The following CFDP1 variants were observed in gnomAD, a reference collection of about 807,000 sequenced individuals.
CFDP1 encodes chromatin remodeling protein CFDP1, also known as heterochromatin-stabilizing protein CFDP1.
A neutral mutation model predicts 40.1 loss-of-function variants in CFDP1; 31 were observed. The observed-to-expected ratio is 0.77, with a 90% CI of 0.58 to 1.04. CFDP1 has a LOEUF of 1.04. Ranked by LOEUF, CFDP1 falls within the 50% of genes least tolerant of loss-of-function variation. The pLI is 0.00. For missense variants in CFDP1, 423 were observed against 343.4 expected, an observed-to-expected ratio of 1.23 and a Z score of -1.83; for synonymous variants, 167 against 120.0, an observed-to-expected ratio of 1.39 and a Z score of -2.56.
rs2078783674 is a variant in CFDP1, at chr16:75,375,283, C to T, written c.650+19807G>A. On this transcript the variant is annotated intron_variant, in intron 5 of 6. Transcript: ENST00000283882. ...AAAAAATGAATAAGCAAGACAAACA[C>T]TAAGAAAAATTCTTAGCATTTACAT... Among the ~76,000 whole-genome samples the T allele has an allele frequency of 2.6e-5, 4 of 152,196 alleles. No individual in the cohort carries two copies. In the South Asian group the frequency reaches 8.3e-4, roughly 32 times the overall value.
chr16:75,397,033 C>G (rs2078999824), intron 4 of CFDP1, among the ~76,000 whole-genome samples: 2 of 152,018 alleles, frequency 1.3e-5, no homozygotes, highest in Admixed American at 6.5e-5. Flanking sequence ...CCTGCCTCAG[C>G]CTCCCAAGCA....
At chr16:75,305,518 G>A (rs1160891102) in intron 5 of CFDP1, 3 of 241,178 alleles carry the variant, frequency 1.2e-5, no homozygotes, top group Non-Finnish European at 1.6e-5. Flanking sequence ...CACATGCCAA[G>A]GTCCAACTTC....
intron 1 of CFDP1, among the ~76,000 whole-genome samples, chr16:75,430,306 A>T (rs1166975982): frequency 6.6e-6 from 1 of 151,864 alleles, no homozygotes; most frequent in Non-Finnish European, 1.5e-5. Flanking sequence ...AGTAGCTGGG[A>T]TTACAGGCAC....
At chr16:75,361,955 A>G (rs2078682361) in intron 5 of CFDP1, among the ~76,000 whole-genome samples, 1 of 152,190 alleles carries the variant, frequency 6.6e-6, no homozygotes, top group Admixed American at 6.5e-5. Context: ...AAAACAAGCA[A>G]AAGAGCCTGT....
intron 5 of CFDP1, among the ~76,000 whole-genome samples, chr16:75,326,810 G>A (rs931214147): frequency 6.6e-6 from 1 of 152,158 alleles, no homozygotes; most frequent in African/African-American, 2.4e-5. Context: ...TGAAGCAATG[G>A]CCTCACAATT....
At chr16:75,373,509 T>C (rs1257446693) in intron 5 of CFDP1, among the ~76,000 whole-genome samples, 1 of 152,186 alleles carries the variant, frequency 6.6e-6, no homozygotes, top group Non-Finnish European at 1.5e-5. Context: ...TGGATTCTTT[T>C]TCTCTGTGAC....
At chr16:75,421,059 G>A (rs1443731206) in intron 1 of CFDP1, among the ~76,000 whole-genome samples, 1 of 152,120 alleles carries the variant, frequency 6.6e-6, no homozygotes, top group African/African-American at 2.4e-5. Context: ...GTGGGAGGGG[G>A]TCCCTGGAGA....
At chr16:75,391,943 G>A (rs1433845974) in intron 5 of CFDP1, among the ~76,000 whole-genome samples, 1 of 151,368 alleles carries the variant, frequency 6.6e-6, no homozygotes, top group Non-Finnish European at 1.5e-5. Context: ...ACTCCAGCCT[G>A]GACGACAGAG....
intron 5 of CFDP1, among the ~76,000 whole-genome samples, chr16:75,341,802 T>C (rs552324639): frequency 6.6e-6 from 1 of 152,310 alleles, no homozygotes; most frequent in African/African-American, 2.4e-5. Flanking sequence ...ACTCCCTTTC[T>C]GTGCTCAGTT....
chr16:75,400,101 C>CA (rs71276627), intron 4 of CFDP1, among the ~76,000 whole-genome samples: 21,961 of 58,494 alleles, frequency 0.38, 2,883 homozygotes, highest in African/African-American at 0.42. Context: ...AACTCCATCT[C>CA]AAAAAAAAAA....
intron 6 of CFDP1, among the ~76,000 whole-genome samples, chr16:75,299,696 C>T (rs939809839): frequency 1.3e-5 from 2 of 152,116 alleles, no homozygotes; most frequent in Non-Finnish European, 2.9e-5. Flanking sequence ...TGGTGCAGCA[C>T]CTGCTCTGGG....
intron 5 of CFDP1, among the ~76,000 whole-genome samples, chr16:75,336,624 G>C (rs186643618): frequency 6.6e-6 from 1 of 152,142 alleles, no homozygotes; most frequent in African/African-American, 2.4e-5. Flanking sequence ...GTATTTCAGG[G>C]ATCATTCCCG....
At chr16:75,375,376 C>G (rs2078784178) in intron 5 of CFDP1, among the ~76,000 whole-genome samples, 1 of 152,116 alleles carries the variant, frequency 6.6e-6, no homozygotes, top group South Asian at 2.1e-4. Flanking sequence ...TAAAACAACC[C>G]AATAAAAATG....
At chr16:75,404,654 C>CA (rs2151576105) in intron 4 of CFDP1, among the ~76,000 whole-genome samples, 1 of 151,536 alleles carries the variant, frequency 6.6e-6, no homozygotes, top group East Asian at 1.9e-4. Context: ...ATAAACAATG[C>CA]AGCAATCCAA....
At chr16:75,332,835 T>C (rs1363352675) in intron 5 of CFDP1, among the ~76,000 whole-genome samples, 1 of 145,546 alleles carries the variant, frequency 6.9e-6, no homozygotes, top group African/African-American at 2.6e-5. Flanking sequence ...TGAGACAGAG[T>C]CTCGTTCTGT....
chr16:75,368,094 TCAAA>T (rs933785877), intron 5 of CFDP1, among the ~76,000 whole-genome samples: 1 of 152,114 alleles, frequency 6.6e-6, no homozygotes, highest in African/African-American at 2.4e-5. Context: ...AGACTCCATC[TCAAA>T]CAAATAAAAC....
At chr16:75,300,585 C>A (rs915793671) in intron 6 of CFDP1, among the ~76,000 whole-genome samples, 1 of 152,132 alleles carries the variant, frequency 6.6e-6, no homozygotes, top group Non-Finnish European at 1.5e-5. Flanking sequence ...CCATGCCTGG[C>A]CCCAAGTTTT....
At chr16:75,357,222 CTTCT>C (rs888721847) in intron 5 of CFDP1, among the ~76,000 whole-genome samples, 7 of 151,758 alleles carry the variant, frequency 4.6e-5, no homozygotes, top group African/African-American at 9.6e-5. Context: ...CTGGAAACAG[CTTCT>C]TTCTTTTTTA....
At chr16:75,300,204 A>C (rs1325301831) in intron 6 of CFDP1, among the ~76,000 whole-genome samples, 2 of 152,210 alleles carry the variant, frequency 1.3e-5, no homozygotes, top group African/African-American at 4.8e-5. Flanking sequence ...GCGTGAATAG[A>C]AATAAGCTGA....
Sources: allele counts gnomAD v4.1 joint callset (sites outside exome capture counted in the v4.1 genomes callset), GRCh38; gene constraint gnomAD v4.1.1; transcripts MANE v1.5; gene names NCBI Gene and HGNC (gene_info 2026-07-23, HGNC 2026-07-21).